ATRNL1: variants seen among roughly 807,000 people sequenced by gnomAD.
ATRNL1 encodes attractin-like protein 1.
ATRNL1 carries 95 observed loss-of-function variants against 182.7 expected under a neutral mutation model. The ratio of observed to expected loss-of-function variants is 0.52; its 90% CI spans 0.44 to 0.62. The LOEUF (loss-of-function observed/expected upper bound fraction) is 0.62. Among genes scored for constraint, ATRNL1 ranks in the 20% least tolerant of loss-of-function variants. ATRNL1 has a pLI of 0.00. For missense variants in ATRNL1, 1,471 were observed against 1,679.5 expected, an observed-to-expected ratio of 0.88 and a Z score of 2.17; for synonymous variants, 576 against 568.3, an observed-to-expected ratio of 1.01 and a Z score of -0.19.
chr10:115,724,247 G>A (rs78079497), intron 26 of ATRNL1, among the ~76,000 whole-genome samples: 2,044 of 152,228 alleles, frequency 0.013, 39 homozygotes, highest in African/African-American at 0.045. Flanking sequence ...GTCACAAATG[G>A]TGGAAGGCAG....
chr10:115,796,964 G>A (rs1026412294), intron 27 of ATRNL1, among the ~76,000 whole-genome samples: 19 of 151,956 alleles, frequency 1.3e-4, no homozygotes, highest in African/African-American at 4.6e-4. Context: ...CATAATATAG[G>A]CAAGTGAATT....
intron 27 of ATRNL1, among the ~76,000 whole-genome samples, chr10:115,740,949 C>A (rs529806133): frequency 6.6e-6 from 1 of 152,190 alleles, no homozygotes; most frequent in East Asian, 1.9e-4. Context: ...TTTTTTTACT[C>A]ATCCCAGCAC....
At chr10:115,271,611 A>G (rs1851870290) in intron 13 of ATRNL1, among the ~76,000 whole-genome samples, 1 of 152,178 alleles carries the variant, frequency 6.6e-6, no homozygotes, top group South Asian at 2.1e-4. Context: ...AAGACTTGGA[A>G]CCAACCCAGA....
intron 21 of ATRNL1, among the ~76,000 whole-genome samples, chr10:115,447,843 T>C (rs1847081852): frequency 6.6e-6 from 1 of 152,020 alleles, no homozygotes; most frequent in African/African-American, 2.4e-5. Context: ...AATATTTATA[T>C]TAATTTATGC....
chr10:115,251,093 T>C (rs184004752), intron 10 of ATRNL1, among the ~76,000 whole-genome samples: 32 of 152,318 alleles, frequency 2.1e-4, no homozygotes, highest in South Asian at 4.1e-4. Flanking sequence ...AATAAAGATA[T>C]ACATCTTGCA....
intron 13 of ATRNL1, among the ~76,000 whole-genome samples, chr10:115,270,359 A>AAATATATAAATCTTGTATATAT (rs200573250): frequency 7.0e-6 from 1 of 141,936 alleles, no homozygotes; most frequent in Non-Finnish European, 1.5e-5. Context: ...ATATATAAAC[A>AAATATATAAATCTTGTATATAT]AATATATAAA....
intron 26 of ATRNL1, among the ~76,000 whole-genome samples, chr10:115,675,882 G>C (rs1023943480): frequency 1.6e-4 from 25 of 152,110 alleles, no homozygotes; most frequent in East Asian, 1.2e-3. Context: ...AGCTCAAAAA[G>C]CTAGTGAGCT....
At chr10:115,391,351 G>A (rs1844009232) in intron 19 of ATRNL1, among the ~76,000 whole-genome samples, 1 of 152,128 alleles carries the variant, frequency 6.6e-6, no homozygotes, top group Non-Finnish European at 1.5e-5. Context: ...TTGTGTTGAG[G>A]CCTGGAGCCT....
chr10:115,203,109 A>G (rs1848654782), intron 8 of ATRNL1, among the ~76,000 whole-genome samples: 1 of 152,176 alleles, frequency 6.6e-6, no homozygotes, highest in Non-Finnish European at 1.5e-5. Context: ...TTGTGGAAGT[A>G]TGAAATGATT....
At chr10:115,154,957 A>T (rs569582180) in intron 5 of ATRNL1, among the ~76,000 whole-genome samples, 7 of 152,246 alleles carry the variant, frequency 4.6e-5, no homozygotes, top group African/African-American at 1.7e-4. Context: ...AAATGTAATA[A>T]TGTTTGCTTT....
At chr10:115,363,836 C>T (rs1157929508) in intron 19 of ATRNL1, among the ~76,000 whole-genome samples, 4 of 144,966 alleles carry the variant, frequency 2.8e-5, no homozygotes, top group South Asian at 2.3e-4. Context: ...TGTAGATATG[C>T]GGCGTTATTT....
intron 17 of ATRNL1, among the ~76,000 whole-genome samples, chr10:115,312,418 G>A (rs1157685695): frequency 2.0e-5 from 3 of 152,156 alleles, no homozygotes; most frequent in African/African-American, 7.2e-5. Flanking sequence ...TGCTTAAGGA[G>A]GGTAAAGAGA....
intron 26 of ATRNL1, among the ~76,000 whole-genome samples, chr10:115,614,958 T>A (rs1857357010): frequency 6.6e-6 from 1 of 152,128 alleles, no homozygotes; most frequent in African/African-American, 2.4e-5. Context: ...TGTTGGGTCT[T>A]GTTTTTTTTT....
chr10:115,275,033 T>A (rs1425306476), intron 13 of ATRNL1, among the ~76,000 whole-genome samples: 1 of 152,228 alleles, frequency 6.6e-6, no homozygotes, highest in African/African-American at 2.4e-5. Flanking sequence ...GTGGCACTAA[T>A]CTTTGCAATC....
chr10:115,717,548 C>CTTCTTTTTT (rs1947291409), intron 26 of ATRNL1, among the ~76,000 whole-genome samples: 1 of 84,350 alleles, frequency 1.2e-5, no homozygotes, highest in East Asian at 4.2e-4. Context: ...CTGAAATGTT[C>CTTCTTTTTT]TTTTTTTTTT....
At chr10:115,173,510 T>C (rs2144107669) in intron 8 of ATRNL1, among the ~76,000 whole-genome samples, 1 of 151,966 alleles carries the variant, frequency 6.6e-6, no homozygotes, top group South Asian at 2.1e-4. Context: ...GTTTAGGCCT[T>C]CTGTTACTGA....
At chr10:115,754,761 G>A (rs782515736) in intron 27 of ATRNL1, among the ~76,000 whole-genome samples, 8 of 152,292 alleles carry the variant, frequency 5.3e-5, no homozygotes, top group Middle Eastern at 3.4e-3. Flanking sequence ...GCCTTGGGCA[G>A]TATGGCCATT....
chr10:115,124,906 G>C (rs1278255943), intron 3 of ATRNL1, among the ~76,000 whole-genome samples: 1 of 152,290 alleles, frequency 6.6e-6, no homozygotes, highest in East Asian at 1.9e-4. Flanking sequence ...ACACAGCCTA[G>C]TTAGTGTTAC....
At chr10:115,374,054 A>G (rs1857531273) in intron 19 of ATRNL1, among the ~76,000 whole-genome samples, 2 of 151,588 alleles carry the variant, frequency 1.3e-5, no homozygotes. Context: ...AAATTGTTTG[A>G]TTCTGTTTAT....
Sources: gnomAD v4.1 joint callset for allele counts (sites outside exome capture counted in the v4.1 genomes callset) on GRCh38, gnomAD v4.1.1 for gene constraint, MANE v1.5 for transcripts, NCBI Gene and HGNC (gene_info 2026-07-23, HGNC 2026-07-21) for gene names.